Variants in VPS53 observed in about 807,000 individuals in gnomAD.
VPS53 encodes vacuolar protein sorting-associated protein 53 homolog.
In VPS53, 70 loss-of-function variants were observed where a neutral mutation model predicts 107.0. The ratio of observed to expected loss-of-function variants is 0.65; its 90% confidence interval spans 0.54 to 0.80. The LOEUF (loss-of-function observed/expected upper bound fraction) is 0.80. Ranked by LOEUF, VPS53 falls within the 30% of genes least tolerant of loss-of-function variation. The pLI is 0.00. For missense variants in VPS53, 917 were observed against 1,049.4 expected, an observed-to-expected ratio of 0.87 and a Z score of 1.74; for synonymous variants, 409 against 393.3, an observed-to-expected ratio of 1.04 and a Z score of -0.47.
intron 14 of VPS53, 29 bp downstream of exon 14, chr17:562,474 C>T (rs1351039702): frequency 6.2e-7 from 1 of 1,610,910 alleles, no homozygotes; most frequent in Non-Finnish European, 8.5e-7. Context: ...CTATTTGCCA[C>T]CACTCAGACT....
At chr17:525,328 A>G (rs1244461053) in intron 19 of VPS53, among the ~76,000 whole-genome samples, 3 of 152,266 alleles carry the variant, frequency 2.0e-5, no homozygotes, top group African/African-American at 4.8e-5. Flanking sequence ...GGAGGAAGAG[A>G]TGGGCAGGGT....
intron 11 of VPS53, among the ~76,000 whole-genome samples, chr17:614,461 C>G (rs548697860): frequency 2.6e-4 from 39 of 152,304 alleles, no homozygotes; most frequent in Non-Finnish European, 5.0e-4. Flanking sequence ...GTATTATTCT[C>G]TTCTCAGAAA....
chr17:618,226 C>T (rs1313667155), intron 11 of VPS53, among the ~76,000 whole-genome samples: 1 of 76,744 alleles, frequency 1.3e-5, no homozygotes, highest in Middle Eastern at 9.8e-3. Context: ...TAATATTTCC[C>T]GGGTAGCTGG....
intron 2 of VPS53, among the ~76,000 whole-genome samples, chr17:706,760 T>C (rs1473100333): frequency 6.6e-6 from 1 of 152,122 alleles, no homozygotes; most frequent in Non-Finnish European, 1.5e-5. Flanking sequence ...TCCATGACCC[T>C]CTACTTTCAT....
chr17:558,550 C>T (rs1006598915), intron 15 of VPS53, among the ~76,000 whole-genome samples: 3 of 152,094 alleles, frequency 2.0e-5, no homozygotes, highest in Non-Finnish European at 2.9e-5. Context: ...AGGAGAATGG[C>T]GAGAACCCGG....
chr17:595,156 G>A (rs562671097), intron 12 of VPS53, among the ~76,000 whole-genome samples: 10 of 102,810 alleles, frequency 9.7e-5, no homozygotes, highest in African/African-American at 2.3e-4. Context: ...CAATTTCCTC[G>A]TTTGATGATG....
chr17:603,884 A>G (rs1019447795), intron 11 of VPS53, among the ~76,000 whole-genome samples: 3 of 152,240 alleles, frequency 2.0e-5, no homozygotes, highest in Non-Finnish European at 4.4e-5. Flanking sequence ...AACCATAAAA[A>G]AATTAAATTA....
chr17:610,443 T>TA (rs945332219), intron 11 of VPS53, among the ~76,000 whole-genome samples: 3 of 152,148 alleles, frequency 2.0e-5, no homozygotes, highest in African/African-American at 7.2e-5. Flanking sequence ...GAAACCTAGG[T>TA]AAGTCTCTGT....
At chr17:694,076 G>GA (rs147653104) in intron 4 of VPS53, among the ~76,000 whole-genome samples, 123 of 148,216 alleles carry the variant, frequency 8.3e-4, no homozygotes, top group Non-Finnish European at 1.3e-3. Context: ...GAGCTCCTTG[G>GA]AAAAAAAAAA....
intron 1 of VPS53, 173 bp downstream of exon 1, chr17:714,450 C>T (rs926866562): frequency 3.2e-6 from 2 of 622,250 alleles, no homozygotes; most frequent in Non-Finnish European, 5.6e-6. Context: ...GTTCTCTTTC[C>T]TTTCCTTCTG....
chr17:578,422 C>A (rs763421502), intron 13 of VPS53, among the ~76,000 whole-genome samples: 4 of 147,522 alleles, frequency 2.7e-5, no homozygotes, highest in Non-Finnish European at 4.5e-5. Flanking sequence ...TCCCTCAGAA[C>A]GTAATGCATT....
chr17:587,405 T>C (rs1026056097), intron 12 of VPS53, among the ~76,000 whole-genome samples: 11 of 152,132 alleles, frequency 7.2e-5, no homozygotes, highest in Non-Finnish European at 1.6e-4. Flanking sequence ...AAGAATAAAA[T>C]AGCAGCATAT....
intron 19 of VPS53, among the ~76,000 whole-genome samples, chr17:531,783 T>A (rs1179897345): frequency 7.3e-6 from 1 of 137,074 alleles, no homozygotes; most frequent in Non-Finnish European, 1.6e-5. Context: ...CTTTTTTTTT[T>A]TTTTTTTTTT....
chr17:631,228 C>T (rs1230004600), intron 8 of VPS53, among the ~76,000 whole-genome samples: 1 of 151,664 alleles, frequency 6.6e-6, no homozygotes, highest in Non-Finnish European at 1.5e-5. Context: ...CTAAAAACAC[C>T]GCGGCATGAA....
At chr17:534,364 C>A (rs939130755) in intron 18 of VPS53, among the ~76,000 whole-genome samples, 2 of 152,094 alleles carry the variant, frequency 1.3e-5, no homozygotes, top group African/African-American at 4.8e-5. Flanking sequence ...GCTGCTATTG[C>A]TTAAGACAGC....
At chr17:537,452 G>A (rs896108799) in intron 17 of VPS53, 33 of 352,476 alleles carry the variant, frequency 9.4e-5, no homozygotes, top group Non-Finnish European at 1.6e-4. Flanking sequence ...TCCCTTCTCA[G>A]CTAAGCTACC....
Position 623,620 on chromosome 17 carries a change from C to A in VPS53, c.1029G>T (p.Leu343Phe). The A allele has an allele frequency of 6.2e-7, 1 of 1,613,978 alleles. No individual in the cohort carries two copies. ...RTRAKEIEVK[L>F]LLFAIQRTTN... is the part of the protein sequence containing the mutation. The stretch of plus-strand genomic sequence containing the variant: ...TTGTTCTTTGAATAGCAAAAAGAAG[C>A]AATTTCACTTCAATTTCCTTCGCTC... The change falls in exon 11 of 22, where the codon TTG becomes TTT. Residue 343 changes from leucine (L) to phenylalanine (F), a missense_variant. Physicochemically the swap from Leu to Phe is conservative, Grantham distance 22. Coordinates refer to ENST00000437048, the MANE Select transcript of VPS53 (RefSeq NM_001128159.3).
chr17:536,486 G>C (rs1462915428), intron 18 of VPS53: 1 of 154,702 alleles, frequency 6.5e-6, no homozygotes, highest in Non-Finnish European at 1.4e-5. Flanking sequence ...TGCCTGCACA[G>C]TTCAAAACAA....
At chr17:677,450 G>C (rs1422930934) in intron 4 of VPS53, among the ~76,000 whole-genome samples, 6 of 152,150 alleles carry the variant, frequency 3.9e-5, no homozygotes. Context: ...AGAAGTTGAG[G>C]AAAGTGGGCA....
Sources: allele counts gnomAD v4.1 joint callset (sites outside exome capture counted in the v4.1 genomes callset), GRCh38; gene constraint gnomAD v4.1.1; transcripts MANE v1.5; gene names NCBI Gene and HGNC (gene_info 2026-07-23, HGNC 2026-07-21).